DPF3: variants seen among roughly 807,000 people sequenced by gnomAD.
DPF3 encodes zinc finger protein DPF3.
DPF3 carries 18 observed loss-of-function variants against 56.8 expected under a neutral mutation model. That is an observed-to-expected ratio of 0.32 (90% CI 0.22 to 0.47). The LOEUF (loss-of-function observed/expected upper bound fraction) is 0.47. DPF3 is among the 20% of genes least tolerant of loss of function. The pLI is 1.00. For missense variants in DPF3, 403 were observed against 488.8 expected (o/e 0.82, Z 1.65); for synonymous variants, 188 against 180.2 (o/e 1.04, Z -0.35).
At chr14:72,726,501 T>C (rs1026016603) in intron 4 of DPF3, among the ~76,000 whole-genome samples, 10 of 152,306 alleles carry the variant, frequency 6.6e-5, no homozygotes, top group Non-Finnish European at 1.2e-4. Context: ...CTAAAGCCTC[T>C]GTCTATGCCC....
At chr14:72,886,323 G>A (rs1474534065) in intron 1 of DPF3, among the ~76,000 whole-genome samples, 1 of 152,146 alleles carries the variant, frequency 6.6e-6, no homozygotes, top group Non-Finnish European at 1.5e-5. Context: ...AGTGAGCCAA[G>A]ATCGCGTCAC....
At chr14:72,780,303 T>G (rs973691081) in intron 1 of DPF3, among the ~76,000 whole-genome samples, 1 of 152,222 alleles carries the variant, frequency 6.6e-6, no homozygotes, top group Non-Finnish European at 1.5e-5. Context: ...CTCTGGCTTC[T>G]CTGAGCTACC....
chr14:72,838,905 A>ATATATATATATTTTTTT, intron 1 of DPF3, among the ~76,000 whole-genome samples: 2 of 64,480 alleles, frequency 3.1e-5, no homozygotes, highest in Non-Finnish European at 5.5e-5. Context: ...TATCATATAT[A>ATATATATATATTTTTTT]TTCTTTTTTT....
At chr14:72,776,354 G>T (rs1473716750) in intron 1 of DPF3, among the ~76,000 whole-genome samples, 1 of 152,180 alleles carries the variant, frequency 6.6e-6, no homozygotes, top group Non-Finnish European at 1.5e-5. Context: ...CATTCTGGTT[G>T]CAGCAGTGCT....
intron 1 of DPF3, among the ~76,000 whole-genome samples, chr14:72,772,355 T>C (rs1312595150): frequency 6.6e-6 from 1 of 152,154 alleles, no homozygotes; most frequent in African/African-American, 2.4e-5. Flanking sequence ...CCAGCAAAGA[T>C]ACTCAGTTTT....
chr14:72,702,939 G>A (rs961314529), intron 6 of DPF3, among the ~76,000 whole-genome samples: 1 of 152,312 alleles, frequency 6.6e-6, no homozygotes, highest in Admixed American at 6.5e-5. Context: ...GAGACCGGGG[G>A]TCTGGCTCTG....
At chr14:72,700,702 G>T (rs1888120643) in intron 6 of DPF3, among the ~76,000 whole-genome samples, 1 of 152,198 alleles carries the variant, frequency 6.6e-6, no homozygotes, top group African/African-American at 2.4e-5. Context: ...AACTGCCTGG[G>T]TTCAAGTCCC....
chr14:72,739,649 G>A (rs1186048217), intron 3 of DPF3, among the ~76,000 whole-genome samples: 1 of 152,200 alleles, frequency 6.6e-6, no homozygotes, highest in Non-Finnish European at 1.5e-5. Context: ...CAGGATGGAA[G>A]AGGCCAAGAA....
intron 8 of DPF3, among the ~76,000 whole-genome samples, chr14:72,631,328 A>G (rs751048467): frequency 1.4e-4 from 22 of 152,250 alleles, no homozygotes; most frequent in Non-Finnish European, 3.1e-4. Flanking sequence ...AAAGAAAAAG[A>G]AGCCTTACAT....
intron 1 of DPF3, among the ~76,000 whole-genome samples, chr14:72,813,301 G>A (rs1481675140): frequency 2.6e-5 from 4 of 152,250 alleles, no homozygotes; most frequent in South Asian, 4.1e-4. Context: ...CTCAGGTGAG[G>A]GGACATGGTG....
At position 72,634,922 on chromosome 14, in the gene DPF3, T is replaced by C. The variant is rs184898908; in HGVS notation, c.872-5186A>G. ...AATTTAGAAAATGGTGCACTGTGCA[T>C]GATTCAGCCCAGCCGGATCATTAAA... On this transcript the variant is annotated intron_variant, in intron 8 of 10. Coordinates refer to ENST00000556509, the MANE Select transcript of DPF3 (RefSeq NM_001280542.3). 1.6e-4 allele frequency among the ~76,000 whole-genome samples: 24 copies of C among 152,304 alleles called. No homozygotes were observed. In the East Asian group the frequency reaches 3.5e-3, roughly 22 times the overall value.
intron 8 of DPF3, among the ~76,000 whole-genome samples, chr14:72,649,664 G>GGGC (rs1301518112): frequency 7.5e-6 from 1 of 132,618 alleles, no homozygotes; most frequent in Non-Finnish European, 1.6e-5. Flanking sequence ...CCTGGGTGGG[G>GGGC]GGGGGGATTA....
intron 6 of DPF3, among the ~76,000 whole-genome samples, chr14:72,711,139 A>T (rs1888636848): frequency 6.6e-6 from 1 of 152,234 alleles, no homozygotes; most frequent in South Asian, 2.1e-4. Flanking sequence ...ACCACTACAC[A>T]TAAACCCAGA....
chr14:72,693,056 C>T lies in DPF3; in HGVS notation c.742+20G>A, dbSNP rs1701683868. On this transcript the variant is annotated intron_variant, in intron 7 of 10. Coordinates refer to ENST00000556509, the MANE Select transcript of DPF3 (RefSeq NM_001280542.3). The stretch of plus-strand genomic sequence containing the variant: ...CTAACCCACTTCTTCACTGCCCCAA[C>T]CTAACAAGTAGGCACTCACGCCTGT... The T allele has an allele frequency of 6.2e-7, 1 of 1,613,608 alleles. No homozygotes were observed. The highest frequency in any genetic ancestry group is 1.1e-5 in the South Asian group (1 of 91,026).
At chr14:72,689,046 G>T (rs1217918829) in intron 7 of DPF3, among the ~76,000 whole-genome samples, 1 of 152,094 alleles carries the variant, frequency 6.6e-6, no homozygotes, top group Non-Finnish European at 1.5e-5. Context: ...CAGCTTGGGG[G>T]CCAGGCGATC....
At chr14:72,805,761 G>T (rs146344464) in intron 1 of DPF3, among the ~76,000 whole-genome samples, 1 of 152,268 alleles carries the variant, frequency 6.6e-6, no homozygotes, top group South Asian at 2.1e-4. Flanking sequence ...TATTAGAATC[G>T]CTTGAACCTG....
At chr14:72,799,639 G>GTATATGTA (rs1892784507) in intron 1 of DPF3, among the ~76,000 whole-genome samples, 1 of 150,028 alleles carries the variant, frequency 6.7e-6, no homozygotes, top group Non-Finnish European at 1.5e-5. Flanking sequence ...GATCATATAT[G>GTATATGTA]TATATATATA....
At position 72,639,631 on chromosome 14, in the gene DPF3, C is replaced by T. The variant is rs1467035596; in HGVS notation, c.872-9895G>A. 1.4e-4 allele frequency among the ~76,000 whole-genome samples: 21 copies of T among 152,088 alleles called. 1 individual carries two copies. Among genetic ancestry groups the T allele is most frequent in the Admixed American group, 1.4e-3 (21 of 15,270 alleles). ...TGCAGCAGCCCAAGGGGAACTGAATCCTGCCAGAACCCACACGTGTGGGCT... is the reference window on the plus strand; with the variant it reads ...TGCAGCAGCCCAAGGGGAACTGAATTCTGCCAGAACCCACACGTGTGGGCT... On this transcript the variant is annotated intron_variant, in intron 8 of 10. Coordinates refer to ENST00000556509, the MANE Select transcript of DPF3 (RefSeq NM_001280542.3).
At chr14:72,707,437 G>T (rs1221246949) in intron 6 of DPF3, among the ~76,000 whole-genome samples, 2 of 152,186 alleles carry the variant, frequency 1.3e-5, no homozygotes, top group Non-Finnish European at 2.9e-5. Context: ...GTTTACAGGG[G>T]CAGTGCTTTT....
Sources: allele counts gnomAD v4.1 joint callset (sites outside exome capture counted in the v4.1 genomes callset), GRCh38; gene constraint gnomAD v4.1.1; transcripts MANE v1.5; gene names NCBI Gene and HGNC (gene_info 2026-07-23, HGNC 2026-07-21).